The following STRN variants were observed in gnomAD, a reference collection of about 807,000 sequenced individuals.
STRN encodes protein phosphatase 2 regulatory subunit B'''alpha.
STRN carries 53 observed loss-of-function variants against 96.3 expected under a neutral mutation model. That is an observed-to-expected ratio of 0.55 (90% confidence interval 0.44 to 0.69). STRN has a LOEUF of 0.69. Among genes scored for constraint, STRN ranks in the 30% least tolerant of loss-of-function variants. The probability of loss-of-function intolerance (pLI) is 0.00; values close to 1 mark genes in which losing one functional copy is unlikely to be tolerated. For missense variants in STRN, 987 were observed against 963.9 expected (o/e 1.02, Z -0.32); for synonymous variants, 428 against 355.9 (o/e 1.20, Z -2.28).
intron 2 of STRN, among the ~76,000 whole-genome samples, chr2:36,917,538 G>GAA (rs576754026): frequency 0.012 from 1,098 of 88,648 alleles, 15 homozygotes; most frequent in African/African-American, 0.035. Flanking sequence ...ACAAAAAAAA[G>GAA]AAAAAAAAAA....
intron 3 of STRN, among the ~76,000 whole-genome samples, chr2:36,906,939 C>CA (rs113693211): frequency 0.44 from 65,746 of 149,758 alleles, 14,331 homozygotes; most frequent in East Asian, 0.54. Context: ...ACAAAAAAAA[C>CA]AAAAAAAAAC....
At position 36,845,358 on chromosome 2, in the gene STRN, T is replaced by A. The variant is rs1038095544; in HGVS notation, c.*4098A>T. The A allele has an allele frequency of 7.0e-6, 1 of 142,396 alleles. No individual in the cohort carries two copies. The highest frequency in any genetic ancestry group is 3.1e-5 in the African/African-American group (1 of 32,708). 8.8% of individuals were successfully genotyped at this position (142,396 alleles called of 1,614,324 possible). ...AGCCTGAGAAAAGCACCAACATAGA[T>A]TTTTTTTTAATTGCATCCAACCATC... On this transcript the variant is annotated 3_prime_UTR_variant, in exon 18 of 18. Transcript: ENST00000263918.
At chr2:36,920,784 AT>A (rs763092688) in intron 2 of STRN, among the ~76,000 whole-genome samples, 1 of 151,930 alleles carries the variant, frequency 6.6e-6, no homozygotes, top group East Asian at 1.9e-4. Context: ...CCTAAAAAAA[AT>A]AAGCAACTCT....
At position 36,887,340 on chromosome 2, in the gene STRN, C is replaced by T. The variant is rs369233551; in HGVS notation, c.932-514G>A. On this transcript the variant is annotated intron_variant, in intron 7 of 17. Coordinates refer to ENST00000263918, the MANE Select transcript of STRN (RefSeq NM_003162.4). Reference sequence around the variant, plus strand: ...ACAAAATTAGCCGGGCATGGTACCTCATGCCTGTAATCCCAGTTACTTGGG... The same window carrying T: ...ACAAAATTAGCCGGGCATGGTACCTTATGCCTGTAATCCCAGTTACTTGGG... Among the ~76,000 whole-genome samples, 3 of 151,360 alleles carry T rather than the reference C, an allele frequency of 2.0e-5. No individual in the cohort carries two copies. The East Asian group carries it at 5.8e-4, about 29-fold the overall frequency.
At chr2:36,861,616 C>T (rs555827686) in intron 12 of STRN, among the ~76,000 whole-genome samples, 2 of 152,148 alleles carry the variant, frequency 1.3e-5, no homozygotes, top group South Asian at 4.1e-4. Flanking sequence ...CAGCCTGAGT[C>T]AGATATTATG....
chr2:36,957,639 T>A (rs1038605585), intron 1 of STRN, among the ~76,000 whole-genome samples: 1 of 149,720 alleles, frequency 6.7e-6, no homozygotes, highest in Non-Finnish European at 1.5e-5. Flanking sequence ...TCTAGACATC[T>A]ACCAGAAGGA....
At chr2:36,919,336 G>A (rs1305614484) in intron 2 of STRN, among the ~76,000 whole-genome samples, 1 of 152,124 alleles carries the variant, frequency 6.6e-6, no homozygotes, top group Non-Finnish European at 1.5e-5. Context: ...AATCTAATTC[G>A]GTCAAAACTG....
chr2:36,910,617 T>C (rs1193462186), intron 3 of STRN, among the ~76,000 whole-genome samples: 1 of 152,038 alleles, frequency 6.6e-6, no homozygotes. Context: ...GCAAAAGAGA[T>C]AAAATTGAAT....
chr2:36,869,566 G>T lies in STRN; in HGVS notation c.1487C>A (p.Ala496Asp). 2 of 1,558,146 alleles carry T rather than the reference G, an allele frequency of 1.3e-6. No homozygotes were observed. The highest frequency in any genetic ancestry group is 1.7e-6 in the Non-Finnish European group (2 of 1,151,270). The part of the protein sequence containing the change: ...TLKMWNLQKT[A>D]PAKKSTSLDV... Reference sequence around the variant, plus strand: ...AGAATATTCTCACTTTTTGGCTGGGGCTGTTTTCTGTAAATTCCACATTTT... The same window carrying T: ...AGAATATTCTCACTTTTTGGCTGGGTCTGTTTTCTGTAAATTCCACATTTT... The change falls in exon 11 of 18, where the codon GCC becomes GAC. Residue 496 changes from alanine (A) to aspartate (D), a missense_variant. Coordinates refer to ENST00000263918, the MANE Select transcript of STRN (RefSeq NM_003162.4).
intron 1 of STRN, among the ~76,000 whole-genome samples, chr2:36,951,559 C>T (rs1303975220): frequency 6.6e-6 from 1 of 152,162 alleles, no homozygotes; most frequent in Admixed American, 6.5e-5. Context: ...AAACACAGGT[C>T]CTGCCCTTAA....
intron 1 of STRN, among the ~76,000 whole-genome samples, chr2:36,938,998 G>GT (rs1670775080): frequency 6.6e-6 from 1 of 150,896 alleles, no homozygotes; most frequent in South Asian, 2.1e-4. Flanking sequence ...TTGTTTGTTT[G>GT]TTTTTTGAGA....
intron 3 of STRN, among the ~76,000 whole-genome samples, chr2:36,906,724 G>C (rs1182760130): frequency 1.3e-5 from 2 of 151,650 alleles, no homozygotes; most frequent in Admixed American, 6.6e-5. Flanking sequence ...TCAGGAGTTT[G>C]AGACCAGCCT....
At chr2:36,850,380 T>C (rs1668190264) in intron 16 of STRN, among the ~76,000 whole-genome samples, 1 of 152,210 alleles carries the variant, frequency 6.6e-6, no homozygotes, top group African/African-American at 2.4e-5. Context: ...AGCACAGTGC[T>C]TCCTAAATTT....
intron 1 of STRN, among the ~76,000 whole-genome samples, chr2:36,954,493 C>A (rs1417713058): frequency 1.5e-5 from 2 of 129,750 alleles, no homozygotes; most frequent in East Asian, 2.2e-4. Context: ...GCCTGGGCGA[C>A]AGAGTAAAGC....
intron 10 of STRN, among the ~76,000 whole-genome samples, chr2:36,875,210 T>C (rs1668871616): frequency 6.6e-6 from 1 of 151,926 alleles, no homozygotes. Flanking sequence ...GAAGGTTGAA[T>C]AAAAAATAAT....
At chr2:36,866,532 G>C (rs1482238380) in intron 12 of STRN, among the ~76,000 whole-genome samples, 2 of 152,180 alleles carry the variant, frequency 1.3e-5, no homozygotes, top group Non-Finnish European at 2.9e-5. Context: ...GCAGTGGAGA[G>C]TTCTGTAGAT....
intron 1 of STRN, among the ~76,000 whole-genome samples, chr2:36,961,867 C>T (rs1665037218): frequency 6.6e-6 from 1 of 152,164 alleles, no homozygotes; most frequent in Non-Finnish European, 1.5e-5. Flanking sequence ...GCCACTTTTC[C>T]CTCCTTGATA....
intron 7 of STRN, among the ~76,000 whole-genome samples, chr2:36,888,846 A>C (rs1384619049): frequency 6.6e-6 from 1 of 151,930 alleles, no homozygotes; most frequent in Admixed American, 6.6e-5. Flanking sequence ...ATGCCCGGCT[A>C]ATTTTTAAAA....
chr2:36,893,036 C>A (rs1669441096), intron 7 of STRN, among the ~76,000 whole-genome samples: 1 of 151,676 alleles, frequency 6.6e-6, no homozygotes, highest in African/African-American at 2.4e-5. Flanking sequence ...CCACTGCACT[C>A]CAGCCCGGGT....
Sources: allele counts gnomAD v4.1 joint callset (sites outside exome capture counted in the v4.1 genomes callset), GRCh38; gene constraint gnomAD v4.1.1; transcripts MANE v1.5; gene names NCBI Gene and HGNC (gene_info 2026-07-23, HGNC 2026-07-21).